The following STEAP1B variants were observed in gnomAD, a reference collection of about 807,000 sequenced individuals.
The protein encoded by STEAP1B is STEAP family protein MGC87042.
In STEAP1B, 13 loss-of-function variants were observed where a neutral mutation model predicts 27.9. That is an observed-to-expected ratio of 0.47 (90% confidence interval 0.30 to 0.74). The LOEUF (loss-of-function observed/expected upper bound fraction) is 0.74. Ranked by LOEUF, STEAP1B falls within the 30% of genes least tolerant of loss-of-function variation. STEAP1B has a pLI of 0.06. For synonymous variants in STEAP1B, 86 were observed against 107.1 expected (o/e 0.80, Z 1.22); for missense variants, 250 against 298.7 (o/e 0.84, Z 1.20).
rs555108288 is a variant in STEAP1B at position 22,493,459 on chromosome 7, C to T, written c.462G>A (p.Leu154=). 115 of 1,613,490 alleles carry T rather than the reference C, an allele frequency of 7.1e-5. No homozygotes were observed. The East Asian group carries it at 2.3e-3, about 33-fold the overall frequency. Residue 154 remains leucine (L), a synonymous_variant, in exon 3 of 5, where the codon TTG becomes TTA. Coordinates refer to ENST00000678116, the MANE Select transcript of STEAP1B (RefSeq NM_001382447.1). ...GTKYKKFPHW[L]DKWMLTRKQF... ...GCTTTCTTGTTAACATCCACTTATC[C>T]AACCAATGTGGAAACTTCTTATACT... is the stretch of plus-strand genomic sequence containing the variant.
At chr7:22,464,632 T>C (rs893636616) in intron 4 of STEAP1B, among the ~76,000 whole-genome samples, 2 of 151,698 alleles carry the variant, frequency 1.3e-5, no homozygotes, top group East Asian at 1.9e-4. Flanking sequence ...TTGGTGTCCT[T>C]ATAAGAGGAG....
Position 22,494,987 on chromosome 7 carries a change from C to T in STEAP1B, c.-31-101G>A, listed in dbSNP as rs1176166244. 5.5e-6 allele frequency: 3 copies of T among 549,982 alleles called. No homozygotes were observed. The African/African-American group carries it at 5.9e-5, about 11-fold the overall frequency. 34.1% of individuals were successfully genotyped at this position (549,982 alleles called of 1,614,324 possible). On this transcript the variant is annotated intron_variant, in intron 1 of 4. Coordinates refer to ENST00000678116, the MANE Select transcript of STEAP1B (RefSeq NM_001382447.1). ...TTTACTTGCTTAAAGACTAGAATGG[C>T]AGATAAAGTACAATAAAAATTGAAA...
At chr7:22,443,335 T>C (rs1230950992) in intron 4 of STEAP1B, among the ~76,000 whole-genome samples, 1 of 152,206 alleles carries the variant, frequency 6.6e-6, no homozygotes, top group Non-Finnish European at 1.5e-5. Flanking sequence ...GATTCACTTA[T>C]TCAGGAATTC....
At chr7:22,456,654 C>G (rs932988401) in intron 4 of STEAP1B, among the ~76,000 whole-genome samples, 22 of 151,956 alleles carry the variant, frequency 1.4e-4, no homozygotes, top group African/African-American at 4.1e-4. Flanking sequence ...AGATGTGAAT[C>G]TGAAAGAAAT....
At chr7:22,487,213 C>T (rs1404317244) in intron 4 of STEAP1B, among the ~76,000 whole-genome samples, 2 of 151,752 alleles carry the variant, frequency 1.3e-5, no homozygotes, top group African/African-American at 2.4e-5. Context: ...GCAGAAGGAT[C>T]GCTTGAGCCC....
intron 4 of STEAP1B, among the ~76,000 whole-genome samples, chr7:22,458,286 A>G (rs1013264962): frequency 6.6e-6 from 1 of 152,228 alleles, no homozygotes; most frequent in Non-Finnish European, 1.5e-5. Context: ...TTAGTGTACT[A>G]AAGTGCAATG....
chr7:22,445,580 A>C (rs987275948), intron 4 of STEAP1B, among the ~76,000 whole-genome samples: 1 of 152,254 alleles, frequency 6.6e-6, no homozygotes, highest in African/African-American at 2.4e-5. Flanking sequence ...GCACCTCTTC[A>C]GGGTACATCC....
rs761678060 is a variant in STEAP1B at position 22,492,681 on chromosome 7, T to C, written c.646A>G (p.Met216Val). ...DAWIEHDVWR[M>V]EIYVSLGIVG... ...ATTCCCAGAGACACATAAATCTCCA[T>C]TCTCCAAACATCATGCTCAATCCAG... Residue 216 changes from methionine to valine, a missense_variant, in exon 4 of 5, where the codon ATG becomes GTG. By Grantham distance (21) the Met-to-Val change is conservative (BLOSUM62 1). Coordinates refer to ENST00000678116, the MANE Select transcript of STEAP1B (RefSeq NM_001382447.1). The C allele has an allele frequency of 1.9e-6, 3 of 1,613,596 alleles. No homozygotes were observed. The East Asian group carries it at 6.7e-5, about 36-fold the overall frequency.
chr7:22,467,651 C>T (rs1230649646), intron 4 of STEAP1B, among the ~76,000 whole-genome samples: 2 of 152,134 alleles, frequency 1.3e-5, no homozygotes, highest in Non-Finnish European at 2.9e-5. Flanking sequence ...GGGGAAACCC[C>T]TTTTGCTTGG....
At chr7:22,464,462 C>T (rs549088080) in intron 4 of STEAP1B, among the ~76,000 whole-genome samples, 2 of 152,260 alleles carry the variant, frequency 1.3e-5, no homozygotes, top group South Asian at 4.2e-4. Flanking sequence ...GGCCAATAAA[C>T]AATACAAGGT....
At chr7:22,490,442 T>A (rs1356915495) in intron 4 of STEAP1B, among the ~76,000 whole-genome samples, 1 of 152,266 alleles carries the variant, frequency 6.6e-6, no homozygotes, top group Non-Finnish European at 1.5e-5. Flanking sequence ...GTTTACTAAA[T>A]GATCCATTGG....
chr7:22,444,729 CT>C (rs1464112793), intron 4 of STEAP1B, among the ~76,000 whole-genome samples: 2 of 152,224 alleles, frequency 1.3e-5, no homozygotes, highest in African/African-American at 4.8e-5. Context: ...AAGTGAAACC[CT>C]TTCCGGAACA....
intron 4 of STEAP1B, among the ~76,000 whole-genome samples, chr7:22,423,500 G>A (rs1048676334): frequency 5.9e-5 from 9 of 152,078 alleles, no homozygotes; most frequent in African/African-American, 1.2e-4. Flanking sequence ...TAAGTAAAAG[G>A]ACTCAGTCAA....
chr7:22,497,483 G>A (rs1257292351), intron 1 of STEAP1B, among the ~76,000 whole-genome samples: 1 of 151,828 alleles, frequency 6.6e-6, no homozygotes, highest in East Asian at 1.9e-4. Context: ...TTTGGTTTAA[G>A]TTAGTGTGAT....
At chr7:22,432,409 A>G (rs1255168335) in intron 4 of STEAP1B, among the ~76,000 whole-genome samples, 1 of 151,284 alleles carries the variant, frequency 6.6e-6, no homozygotes, top group African/African-American at 2.4e-5. Context: ...ATAAATAAAT[A>G]AATAAATAAA....
rs145928178 is a variant in STEAP1B, at chr7:22,442,805, A to G, written c.763-22969T>C. Reference sequence around the variant, plus strand: ...GGTGTCCTGGGTTGCCGCCATGACAATGAGGAGGACTTGGCAGTGCTCCCA... The same window carrying G: ...GGTGTCCTGGGTTGCCGCCATGACAGTGAGGAGGACTTGGCAGTGCTCCCA... On this transcript the variant is annotated intron_variant, in intron 4 of 4. Transcript: ENST00000678116. Among the ~76,000 whole-genome samples, 796 of 152,284 alleles carry G rather than the reference A, an allele frequency of 5.2e-3. 5 individuals are homozygous for G. The highest frequency in any genetic ancestry group is 0.018 in the African/African-American group (761 of 41,540).
intron 4 of STEAP1B, among the ~76,000 whole-genome samples, chr7:22,456,959 T>C (rs1483412787): frequency 1.4e-4 from 3 of 22,060 alleles, no homozygotes; most frequent in South Asian, 1.5e-3. Flanking sequence ...CAGCTATATA[T>C]ATATATATAT....
intron 4 of STEAP1B, among the ~76,000 whole-genome samples, chr7:22,487,987 A>C (rs907107628): frequency 6.6e-6 from 1 of 152,078 alleles, no homozygotes; most frequent in African/African-American, 2.4e-5. Flanking sequence ...CCCCATAATA[A>C]AGGGTGACTG....
intron 4 of STEAP1B, among the ~76,000 whole-genome samples, chr7:22,456,702 A>G (rs1562573549): frequency 6.6e-6 from 1 of 151,696 alleles, no homozygotes; most frequent in South Asian, 2.1e-4. Flanking sequence ...GGAAATTAGA[A>G]CCCCCAGCCA....
Sources: gnomAD v4.1 joint callset for allele counts (sites outside exome capture counted in the v4.1 genomes callset) on GRCh38, gnomAD v4.1.1 for gene constraint, MANE v1.5 for transcripts, NCBI Gene and HGNC (gene_info 2026-07-23, HGNC 2026-07-21) for gene names.